The following RUNX3 variants were observed in gnomAD, a reference collection of about 807,000 sequenced individuals.
The protein encoded by RUNX3 is runt-related transcription factor 3.
Under a neutral mutation model 27.7 loss-of-function variants are expected in RUNX3, and 10 were observed. The ratio of observed to expected loss-of-function variants is 0.36; its 90% CI spans 0.22 to 0.61. The LOEUF (loss-of-function observed/expected upper bound fraction) is 0.61. Among genes scored for constraint, RUNX3 ranks in the 20% least tolerant of loss-of-function variants. The probability of loss-of-function intolerance (pLI) is 0.72; values close to 1 mark genes in which losing one functional copy is unlikely to be tolerated. For missense variants in RUNX3, 469 were observed against 629.5 expected, an observed-to-expected ratio of 0.75 and a Z score of 2.73; for synonymous variants, 270 against 269.2, an observed-to-expected ratio of 1.00 and a Z score of -0.03.
chr1:24,930,609 C>G (rs569001094), upstream of RUNX3, among the ~76,000 whole-genome samples: 6 of 152,090 alleles, frequency 3.9e-5, no homozygotes, highest in East Asian at 1.2e-3. The surrounding 1 kb of genome is among the most constrained non-coding windows in gnomAD (Gnocchi z 4.1). Flanking sequence ...GGGGCGCAAC[C>G]CCTTCGCTCC....
In RUNX3 at chr1:24,916,157, C is replaced by T. The variant is rs531976246; in HGVS notation, c.544+3083G>A. Among the ~76,000 whole-genome samples, 1 of 152,226 alleles carries T rather than the reference C, an allele frequency of 6.6e-6. No individual in the cohort carries two copies. Among genetic ancestry groups the T allele is most frequent in the East Asian group, 1.9e-4 (1 of 5,182 alleles). ...CTCCCACTTCACCCCACAGCGGGCT[C>T]AGATTTCAGAGGGTCGGAGGTGGCA... On this transcript the variant is annotated intron_variant, in intron 3 of 4. Transcript: ENST00000308873. This position sits in a 1 kb window ranked among gnomAD's most constrained non-coding sequence, Gnocchi z 4.8.
chr1:24,918,593 A>G (rs1640934283), intron 3 of RUNX3, among the ~76,000 whole-genome samples: 1 of 151,798 alleles, frequency 6.6e-6, no homozygotes, highest in Non-Finnish European at 1.5e-5. Context: ...TCATTCAGTC[A>G]GTCAGTCAGT....
intron 2 of RUNX3, among the ~76,000 whole-genome samples, chr1:24,925,211 G>A (rs1641075728): frequency 6.6e-6 from 1 of 152,080 alleles, no homozygotes; most frequent in South Asian, 2.1e-4. Flanking sequence ...AGCAGGATGG[G>A]CACTGCAGAT....
Position 24,916,535 on chromosome 1 carries a change from G to A in RUNX3, c.544+2705C>T, listed in dbSNP as rs1173101506. On this transcript the variant is annotated intron_variant, in intron 3 of 4. Transcript: ENST00000308873. The surrounding 1 kb of genome is among the most constrained non-coding windows in gnomAD (Gnocchi z 4.8). Reference sequence around the variant, plus strand: ...AGGGCCTGACGCAAGGGAGGGGGTTGCTCAGTGACCAGGAGCCGCTGAGCT... The same window carrying A: ...AGGGCCTGACGCAAGGGAGGGGGTTACTCAGTGACCAGGAGCCGCTGAGCT... Among the ~76,000 whole-genome samples, 1 of 152,180 alleles carries A rather than the reference G, an allele frequency of 6.6e-6. No homozygotes were observed. The highest frequency in any genetic ancestry group is 1.5e-5 in the Non-Finnish European group (1 of 68,034).
At chr1:24,954,324 TA>T (rs955925426) in intron 2 of RUNX3, among the ~76,000 whole-genome samples, 28 of 152,362 alleles carry the variant, frequency 1.8e-4, no homozygotes, top group African/African-American at 6.7e-4. Flanking sequence ...ATGTTTTCCC[TA>T]ATGTTCTTAC....
At position 24,962,658 on chromosome 1, in the gene RUNX3, C is replaced by CCCTA. The variant is rs1226502352; in HGVS notation, c.58+1852_58+1855dup. ...CCCCAGATCCAAACATCTCCACAGA[C>CCCTA]CCTAGCCTATGAGGCGCCTTCTGTG... On this transcript the variant is annotated intron_variant, in intron 2 of 6. Coordinates refer to the RUNX3 transcript ENST00000338888. The surrounding 1 kb of genome is among the most constrained non-coding windows in gnomAD (Gnocchi z 4.5). Among the ~76,000 whole-genome samples, 1 of 152,226 alleles carries CCCTA rather than the reference C, an allele frequency of 6.6e-6. No homozygotes were observed. The highest frequency in any genetic ancestry group is 6.5e-5 in the Admixed American group (1 of 15,286).
intron 2 of RUNX3, among the ~76,000 whole-genome samples, chr1:24,936,986 A>G (rs930391403): frequency 4.6e-5 from 7 of 152,320 alleles, no homozygotes; most frequent in Middle Eastern, 3.4e-3. Flanking sequence ...TAAATCAACT[A>G]TGTGCTGTAC....
At chr1:24,952,952 A>AT (rs758892170) in intron 2 of RUNX3, among the ~76,000 whole-genome samples, 4,666 of 150,012 alleles carry the variant, frequency 0.031, 110 homozygotes, top group Non-Finnish European at 0.047. Context: ...AAACTCAGGT[A>AT]TTTTTTTTTT....
intron 3 of RUNX3, among the ~76,000 whole-genome samples, chr1:24,912,861 G>A (rs1055104569): frequency 1.3e-4 from 20 of 151,824 alleles, no homozygotes; most frequent in African/African-American, 3.1e-4. Context: ...TAGATGTATC[G>A]GGACTCCACA....
chr1:24,903,066 C>T (rs1476114886), intron 4 of RUNX3, among the ~76,000 whole-genome samples: 1 of 152,192 alleles, frequency 6.6e-6, no homozygotes, highest in East Asian at 1.9e-4. Context: ...CCCCACCGGC[C>T]CATGTTAACA....
At chr1:24,933,480 C>T (rs959119150), upstream of RUNX3, among the ~76,000 whole-genome samples, 2 of 152,176 alleles carry the variant, frequency 1.3e-5, no homozygotes, top group African/African-American at 4.8e-5. Context: ...GGGCCTCACA[C>T]TTCCATCTGT....
At chr1:24,912,693 C>T (rs1232574638) in intron 3 of RUNX3, among the ~76,000 whole-genome samples, 1 of 151,830 alleles carries the variant, frequency 6.6e-6, no homozygotes, top group Non-Finnish European at 1.5e-5. Flanking sequence ...TGCCACCATC[C>T]TATCATATGG....
chr1:24,916,027 G>C lies in RUNX3; in HGVS notation c.544+3213C>G, dbSNP rs557427598. 4.0e-4 allele frequency among the ~76,000 whole-genome samples: 61 copies of C among 152,292 alleles called. 1 individual carries two copies. In the South Asian group the frequency reaches 0.012, roughly 30 times the overall value. ...AGCTGGCCACCTGGCTGCAGGCCGG[G>C]CACGCTCTGCAGGGCACCAGAGGGG... On this transcript the variant is annotated intron_variant, in intron 3 of 4. Coordinates refer to ENST00000308873, the MANE Select transcript of RUNX3 (RefSeq NM_004350.3). The surrounding 1 kb of genome is among the most constrained non-coding windows in gnomAD (Gnocchi z 4.8).
intron 1 of RUNX3, chr1:24,928,738 G>A (rs1017123835): frequency 9.4e-6 from 2 of 212,416 alleles, no homozygotes; most frequent in Admixed American, 1.1e-4. Context: ...TGTCACCCGG[G>A]AGACCTCAAA....
At chr1:24,910,626 G>A (rs1293302122) in intron 3 of RUNX3, among the ~76,000 whole-genome samples, 2 of 152,336 alleles carry the variant, frequency 1.3e-5, no homozygotes, top group South Asian at 2.1e-4. Context: ...CCTGTTGGAA[G>A]CTCAAACAGG....
intron 2 of RUNX3, among the ~76,000 whole-genome samples, chr1:24,948,109 C>G (rs920474055): frequency 1.3e-5 from 2 of 152,214 alleles, no homozygotes; most frequent in Admixed American, 1.3e-4. Flanking sequence ...CCTCAGCCCT[C>G]CAGAAGCATC....
At chr1:24,903,775 G>A (rs1640611372) in intron 4 of RUNX3, among the ~76,000 whole-genome samples, 1 of 152,160 alleles carries the variant, frequency 6.6e-6, no homozygotes, top group Admixed American at 6.5e-5. Context: ...CAGGATCAAG[G>A]CTTACTGTGT....
At chr1:24,944,665 CTGAT>C (rs1641560404) in intron 2 of RUNX3, among the ~76,000 whole-genome samples, 1 of 152,182 alleles carries the variant, frequency 6.6e-6, no homozygotes, top group Non-Finnish European at 1.5e-5. Flanking sequence ...GGTGTGGAAA[CTGAT>C]TAGGGAACCT....
chr1:24,959,249 G>A (rs972937280), intron 2 of RUNX3, among the ~76,000 whole-genome samples: 19 of 152,230 alleles, frequency 1.2e-4, no homozygotes, highest in Non-Finnish European at 2.2e-4. Flanking sequence ...CAGAGTGGGT[G>A]CGGTGAGGCC....
Sources: allele counts gnomAD v4.1 joint callset (sites outside exome capture counted in the v4.1 genomes callset), GRCh38; gene constraint gnomAD v4.1.1; non-coding constraint Gnocchi (gnomAD v3.1); transcripts MANE v1.5; gene names NCBI Gene and HGNC (gene_info 2026-07-23, HGNC 2026-07-21).